The following TBC1D15 variants were observed in gnomAD, a reference collection of about 807,000 sequenced individuals.
TBC1D15 encodes the protein TBC1 domain family member 15.
TBC1D15 carries 39 observed loss-of-function variants against 95.4 expected under a neutral mutation model. That is an observed-to-expected ratio of 0.41 (90% CI 0.32 to 0.53). The LOEUF is 0.53. Among genes scored for constraint, TBC1D15 ranks in the 20% least tolerant of loss-of-function variants. TBC1D15 has a pLI of 0.29. For missense variants in TBC1D15, 733 were observed against 794.3 expected (o/e 0.92, Z 0.93); for synonymous variants, 258 against 261.3 (o/e 0.99, Z 0.12).
intron 3 of TBC1D15, among the ~76,000 whole-genome samples, chr12:71,873,293 A>G (rs1893074323): frequency 6.6e-6 from 1 of 152,182 alleles, no homozygotes; most frequent in Admixed American, 6.5e-5. Context: ...GACATTTCGT[A>G]TAAATGGAGT....
At chr12:71,872,305 A>G (rs1892866843) in intron 2 of TBC1D15, 137 bp downstream of exon 2, 2 of 488,262 alleles carry the variant, frequency 4.1e-6, no homozygotes, top group Non-Finnish European at 7.3e-6. Context: ...TTAACACCGA[A>G]ATGATGTAAT....
Position 71,920,814 on chromosome 12 carries a change from G to T in TBC1D15, c.1683G>T (p.Met561Ile). Residue 561 changes from methionine to isoleucine, a missense_variant, in exon 15 of 17, where the codon ATG becomes ATT. Transcript: ENST00000485960. ...TGGAATCAGAAAAGCAGCAAATAATGGAAAAGCATTATGGCTTCAATGAAA... is the reference window on the plus strand; with the variant it reads ...TGGAATCAGAAAAGCAGCAAATAATTGAAAAGCATTATGGCTTCAATGAAA... ...AILESEKQQI[M>I]EKHYGFNEIL... is the part of the protein sequence containing the mutation. 1 of 1,611,750 alleles carries T rather than the reference G, an allele frequency of 6.2e-7. No individual in the cohort carries two copies.
chr12:71,921,500 G>C (rs2139123242), intron 16 of TBC1D15, 46 bp downstream of exon 16: 1 of 1,203,426 alleles, frequency 8.3e-7, no homozygotes, highest in South Asian at 2.0e-5. Flanking sequence ...GTTTTTGGTG[G>C]GTTGAGATCA....
chr12:71,882,045 G>T (rs1015510171), intron 4 of TBC1D15, among the ~76,000 whole-genome samples: 1 of 150,582 alleles, frequency 6.6e-6, no homozygotes, highest in African/African-American at 2.4e-5. Flanking sequence ...ATTTCATTAC[G>T]AAACTTTCTT....
intron 10 of TBC1D15, among the ~76,000 whole-genome samples, chr12:71,900,448 G>A (rs1343372318): frequency 5.3e-5 from 8 of 152,076 alleles, no homozygotes; most frequent in Admixed American, 4.6e-4. Context: ...GCTGCTCAAG[G>A]TCATCTCCAA....
intron 1 of TBC1D15, among the ~76,000 whole-genome samples, chr12:71,870,779 T>C (rs1264994356): frequency 6.6e-6 from 1 of 152,158 alleles, no homozygotes; most frequent in Non-Finnish European, 1.5e-5. Flanking sequence ...TAATCTGTGA[T>C]TTAGGGTGGT....
intron 11 of TBC1D15, among the ~76,000 whole-genome samples, chr12:71,910,694 A>G (rs1353231477): frequency 6.6e-6 from 1 of 152,218 alleles, no homozygotes; most frequent in African/African-American, 2.4e-5. Context: ...AATGCTTACC[A>G]TTCAGGACAT....
rs908405332 is a variant in TBC1D15, at chr12:71,918,613, A to T, written c.1599+65A>T. 9 of 1,071,370 alleles carry T rather than the reference A, an allele frequency of 8.4e-6. No homozygotes were observed. The East Asian group carries it at 2.3e-4, about 28-fold the overall frequency. The allele number at this position is 1,071,370 out of a possible 1,614,324, so 66.4% of individuals were successfully genotyped here. A position where few individuals can be genotyped will look rare whatever the true frequency, so the allele number is the denominator to read the frequency against. On this transcript the variant is annotated intron_variant, in intron 14 of 16. Coordinates refer to ENST00000485960, the MANE Select transcript of TBC1D15 (RefSeq NM_001146213.3). ...TGAAAAGAAACAATTTATTCTGTAGAGTGTAAATGAATTATGATAGCCTTA... is the reference window on the plus strand; with the variant it reads ...TGAAAAGAAACAATTTATTCTGTAGTGTGTAAATGAATTATGATAGCCTTA...
chr12:71,892,246 T>TC (rs11429699), intron 5 of TBC1D15, among the ~76,000 whole-genome samples: 13,155 of 152,130 alleles, frequency 0.086, 645 homozygotes, highest in South Asian at 0.15. Context: ...CGAGTGCTGT[T>TC]CCTGACTGTG....
intron 1 of TBC1D15, among the ~76,000 whole-genome samples, chr12:71,840,773 A>G (rs1238907394): frequency 6.6e-6 from 1 of 152,094 alleles, no homozygotes; most frequent in Non-Finnish European, 1.5e-5. Context: ...GAATTATTTG[A>G]CAGCGTTTGT....
At chr12:71,878,762 C>T (rs1446313238) in intron 3 of TBC1D15, among the ~76,000 whole-genome samples, 2 of 151,616 alleles carry the variant, frequency 1.3e-5, no homozygotes, top group Non-Finnish European at 2.9e-5. Flanking sequence ...AGTGATCCAC[C>T]TGCCTTGGCC....
chr12:71,899,962 A>G (rs1328338435), intron 10 of TBC1D15, among the ~76,000 whole-genome samples: 1 of 152,038 alleles, frequency 6.6e-6, no homozygotes, highest in Non-Finnish European at 1.5e-5. Context: ...CCTTCTCAAA[A>G]CAAAACAAAA....
Position 71,923,010 on chromosome 12 carries a change from C to G in TBC1D15, c.1831C>G (p.Leu611Val). The change falls in exon 17 of 17, where the codon CTT (leucine) becomes GTT (valine). Residue 611 changes from leucine (L) to valine (V), a missense_variant. Transcript: ENST00000485960. ...ATTGCCACAAGCAGTCTGTGAGATCCTTGGGCTTCAAGGCAGTGAAGTTAC... is the reference window on the plus strand; with the variant it reads ...ATTGCCACAAGCAGTCTGTGAGATCGTTGGGCTTCAAGGCAGTGAAGTTAC... The part of the protein sequence containing the change: ...KELPQAVCEI[L>V]GLQGSEVTTP... 1.2e-6 allele frequency: 2 copies of G among 1,614,174 alleles called. No homozygotes were observed.
intron 1 of TBC1D15, among the ~76,000 whole-genome samples, chr12:71,856,595 T>C (rs980809426): frequency 1.6e-4 from 25 of 152,010 alleles, no homozygotes; most frequent in African/African-American, 5.8e-4. Context: ...TCCTGACTTA[T>C]TTTTTTTCTA....
At chr12:71,914,137 T>C (rs1167661947) in intron 12 of TBC1D15, among the ~76,000 whole-genome samples, 1 of 151,946 alleles carries the variant, frequency 6.6e-6, no homozygotes, top group Non-Finnish European at 1.5e-5. Flanking sequence ...GTGCCTGTAG[T>C]ATAGGAATAA....
intron 10 of TBC1D15, among the ~76,000 whole-genome samples, chr12:71,899,945 C>T (rs1392304490): frequency 3.9e-5 from 6 of 151,926 alleles, no homozygotes; most frequent in South Asian, 2.1e-4. Flanking sequence ...GGTGACAGAG[C>T]GAGACCCCTT....
chr12:71,865,526 C>T (rs371459379), intron 1 of TBC1D15, among the ~76,000 whole-genome samples: 15 of 151,996 alleles, frequency 9.9e-5, no homozygotes, highest in African/African-American at 3.4e-4. Context: ...CTCTGTGAGT[C>T]GAGGTGCAGT....
intron 9 of TBC1D15, chr12:71,897,389 T>C (rs1898412526): frequency 6.3e-6 from 1 of 158,932 alleles, no homozygotes; most frequent in African/African-American, 2.4e-5. Flanking sequence ...TCTTTTCAGC[T>C]TGTTTACCAG....
intron 10 of TBC1D15, among the ~76,000 whole-genome samples, chr12:71,903,036 C>T (rs7311019): frequency 0.028 from 4,195 of 152,260 alleles, 196 homozygotes; most frequent in African/African-American, 0.094. Context: ...GTCAGCCTCC[C>T]GGGTAGCTGG....
Sources: allele counts gnomAD v4.1 joint callset (sites outside exome capture counted in the v4.1 genomes callset), GRCh38; gene constraint gnomAD v4.1.1; transcripts MANE v1.5; gene names NCBI Gene and HGNC (gene_info 2026-07-23, HGNC 2026-07-21).